ZNF148: variants seen among roughly 807,000 people sequenced by gnomAD.
ZNF148 encodes the protein Beta-Enolase Repressor Factor-1.
A neutral mutation model predicts 67.7 loss-of-function variants in ZNF148; 7 were observed. The ratio of observed to expected loss-of-function variants is 0.10; its 90% confidence interval spans 0.06 to 0.19. The LOEUF (loss-of-function observed/expected upper bound fraction) is 0.19, where lower values mean the gene tolerates loss of function less well. Among genes scored for constraint, ZNF148 ranks in the 10% least tolerant of loss-of-function variants. ZNF148 has a pLI of 1.00. For synonymous variants in ZNF148, 333 were observed against 330.7 expected, an observed-to-expected ratio of 1.01 and a Z score of -0.08; for missense variants, 583 against 947.1, an observed-to-expected ratio of 0.62 and a Z score of 5.05.
At chr3:125,283,678 C>G (rs1359982762) in intron 5 of ZNF148, among the ~76,000 whole-genome samples, 1 of 152,060 alleles carries the variant, frequency 6.6e-6, no homozygotes, top group Admixed American at 6.6e-5. Flanking sequence ...ATCTTTAAAG[C>G]TACTTCTTCC....
At chr3:125,335,056 A>G (rs1196523015) in intron 1 of ZNF148, among the ~76,000 whole-genome samples, 1 of 140,306 alleles carries the variant, frequency 7.1e-6, no homozygotes, top group African/African-American at 2.8e-5. Flanking sequence ...AAATTGCAAC[A>G]TCCCACCACA....
At chr3:125,352,117 A>G (rs950415651) in intron 1 of ZNF148, among the ~76,000 whole-genome samples, 9 of 129,334 alleles carry the variant, frequency 7.0e-5, no homozygotes, top group Admixed American at 6.9e-4. Flanking sequence ...AGCATTATTC[A>G]CAATGGCCAA....
intron 1 of ZNF148, among the ~76,000 whole-genome samples, chr3:125,358,707 A>G (rs1942444846): frequency 6.6e-6 from 1 of 152,194 alleles, no homozygotes; most frequent in African/African-American, 2.4e-5. Context: ...TAATTATACA[A>G]CCTAATCAAA....
chr3:125,284,208 A>G (rs1938541351), intron 5 of ZNF148, among the ~76,000 whole-genome samples: 1 of 152,176 alleles, frequency 6.6e-6, no homozygotes, highest in Non-Finnish European at 1.5e-5. Context: ...TAACCCAACA[A>G]TCCTCCTAAA....
intron 7 of ZNF148, among the ~76,000 whole-genome samples, chr3:125,255,677 T>C (rs574531655): frequency 1.2e-3 from 181 of 152,262 alleles, no homozygotes; most frequent in Non-Finnish European, 2.0e-3. Context: ...AACATTTTAA[T>C]TTTACCTTCG....
intron 4 of ZNF148, among the ~76,000 whole-genome samples, chr3:125,305,176 C>T (rs1024331575): frequency 9.9e-5 from 15 of 152,090 alleles, no homozygotes; most frequent in African/African-American, 2.2e-4. Context: ...ATCTGAATGA[C>T]GGCAAATAAA....
intron 7 of ZNF148, among the ~76,000 whole-genome samples, chr3:125,271,980 C>T (rs1255403158): frequency 6.6e-6 from 1 of 152,170 alleles, no homozygotes; most frequent in Non-Finnish European, 1.5e-5. Context: ...CCTCTTCTTG[C>T]CCAACGATTC....
chr3:125,344,678 G>T, intron 1 of ZNF148: 1 of 648,014 alleles, frequency 1.5e-6, no homozygotes, highest in Non-Finnish European at 2.9e-6. Flanking sequence ...TTTTCTCTCT[G>T]CTTCTTCTTT....
intron 1 of ZNF148, among the ~76,000 whole-genome samples, chr3:125,338,669 A>AAC (rs1381698536): frequency 8.0e-5 from 12 of 150,056 alleles, no homozygotes; most frequent in Non-Finnish European, 1.6e-4. Context: ...CAAAAAAAAA[A>AAC]AAAAAAAAAA....
chr3:125,232,135 T>C lies in ZNF148; in HGVS notation c.*206A>G, dbSNP rs548571396. Reference sequence around the variant, plus strand: ...TAAAACAAGTAATGCATTGCTTCTATAAAGGTGACAACATGTAAGGCAGTT... The same window carrying C: ...TAAAACAAGTAATGCATTGCTTCTACAAAGGTGACAACATGTAAGGCAGTT... On this transcript the variant is annotated 3_prime_UTR_variant, in exon 9 of 9. Transcript: ENST00000360647. The surrounding 1 kb of genome is among the most constrained non-coding windows in gnomAD (Gnocchi z 4.2). 3.4e-5 allele frequency: 18 copies of C among 528,130 alleles called. No individual in the cohort carries two copies. In the East Asian group the frequency reaches 4.6e-4, roughly 13 times the overall value. 32.7% of individuals were successfully genotyped at this position (528,130 alleles called of 1,614,324 possible).
At chr3:125,234,938 C>T (rs1314532567) in intron 7 of ZNF148, among the ~76,000 whole-genome samples, 2 of 152,126 alleles carry the variant, frequency 1.3e-5, no homozygotes, top group Non-Finnish European at 2.9e-5. Flanking sequence ...ACATAACCCC[C>T]ATTTTTGAAA....
chr3:125,238,054 T>C (rs1936172856), intron 7 of ZNF148, among the ~76,000 whole-genome samples: 1 of 152,070 alleles, frequency 6.6e-6, no homozygotes. Flanking sequence ...TTCAACAAAT[T>C]TGATACCCAC....
At position 125,229,514 on chromosome 3, in the gene ZNF148, A is replaced by C. The variant is rs1247663097; in HGVS notation, c.*2827T>G. ...AAGACAAATGAAATATGTGAGAATAAGGTTTTAAAAAACCCTTTAGAAGAT... is the reference window on the plus strand; with the variant it reads ...AAGACAAATGAAATATGTGAGAATACGGTTTTAAAAAACCCTTTAGAAGAT... On this transcript the variant is annotated 3_prime_UTR_variant, in exon 9 of 9. Coordinates refer to ENST00000360647, the MANE Select transcript of ZNF148 (RefSeq NM_021964.3). 1 of 152,160 alleles carries C rather than the reference A, an allele frequency of 6.6e-6. No homozygotes were observed. The highest frequency in any genetic ancestry group is 1.5e-5 in the Non-Finnish European group (1 of 68,020). The allele number at this position is 152,160 out of a possible 1,614,324, so 9.4% of individuals were successfully genotyped here. A position where few individuals can be genotyped will look rare whatever the true frequency, so the allele number is the denominator to read the frequency against.
chr3:125,357,423 C>A (rs62273079), intron 1 of ZNF148: 21,530 of 153,122 alleles, frequency 0.14, 1,717 homozygotes, highest in Admixed American at 0.17. Flanking sequence ...CAAAAAGAGG[C>A]GTGCGGGGTT....
intron 1 of ZNF148, among the ~76,000 whole-genome samples, chr3:125,364,045 T>C (rs1942627752): frequency 6.6e-6 from 1 of 152,218 alleles, no homozygotes; most frequent in Non-Finnish European, 1.5e-5. Flanking sequence ...AAATAGTCTC[T>C]TATTTACCCG....
chr3:125,357,546 A>G (rs1942397851), intron 1 of ZNF148, among the ~76,000 whole-genome samples: 2 of 150,994 alleles, frequency 1.3e-5, no homozygotes, highest in South Asian at 4.2e-4. Flanking sequence ...GGCGGGCGGC[A>G]GCCCACCCGC....
intron 1 of ZNF148, among the ~76,000 whole-genome samples, chr3:125,353,220 C>G (rs1942217988): frequency 6.6e-6 from 1 of 151,958 alleles, no homozygotes; most frequent in African/African-American, 2.4e-5. Context: ...CATAAACAAA[C>G]TATGTCATTC....
chr3:125,333,091 C>A (rs1284953412), intron 1 of ZNF148, among the ~76,000 whole-genome samples: 1 of 152,154 alleles, frequency 6.6e-6, no homozygotes, highest in East Asian at 1.9e-4. Context: ...GATATTATTA[C>A]ACATCTCATC....
chr3:125,318,547 T>C (rs1940626312), intron 3 of ZNF148, among the ~76,000 whole-genome samples: 1 of 152,168 alleles, frequency 6.6e-6, no homozygotes, highest in African/African-American at 2.4e-5. Flanking sequence ...AAGGAACCTC[T>C]ATCCAACTGG....
Sources: allele counts gnomAD v4.1 joint callset (sites outside exome capture counted in the v4.1 genomes callset), GRCh38; gene constraint gnomAD v4.1.1; non-coding constraint Gnocchi (gnomAD v3.1); transcripts MANE v1.5; gene names NCBI Gene and HGNC (gene_info 2026-07-23, HGNC 2026-07-21).